YME1L1: variants seen among roughly 807,000 people sequenced by gnomAD.
The protein encoded by YME1L1 is YME1 like 1 ATPase.
In YME1L1, 39 loss-of-function variants were observed where a neutral mutation model predicts 90.4. That is an observed-to-expected ratio of 0.43 (90% confidence interval 0.33 to 0.56). The LOEUF is 0.56. Among genes scored for constraint, YME1L1 ranks in the 20% least tolerant of loss-of-function variants. The probability of loss-of-function intolerance (pLI) is 0.03; values close to 1 mark genes in which losing one functional copy is unlikely to be tolerated. For missense variants in YME1L1, 617 were observed against 868.4 expected, an observed-to-expected ratio of 0.71 and a Z score of 3.64; for synonymous variants, 284 against 287.3, an observed-to-expected ratio of 0.99 and a Z score of 0.12.
chr10:27,130,887 T>C (rs1165701227), intron 8 of YME1L1, among the ~76,000 whole-genome samples: 1 of 152,150 alleles, frequency 6.6e-6, no homozygotes, highest in Non-Finnish European at 1.5e-5. Flanking sequence ...TAAATGTCAA[T>C]TCTATCCTTC....
Position 27,120,437 on chromosome 10 carries a change from T to C in YME1L1, c.1409A>G (p.Gln470Arg). The C allele has an allele frequency of 6.2e-7, 1 of 1,606,866 alleles. No individual in the cohort carries two copies. Among genetic ancestry groups the C allele is most frequent in the South Asian group, 1.1e-5 (1 of 90,772 alleles). The change falls in exon 13 of 19, where the codon CAA becomes CGA. Residue 470 changes from glutamine to arginine, a missense_variant and splice_region_variant. This residue lies in a region of YME1L1 where 212 missense variants were observed against 330.0 expected (regional missense o/e 0.64). Transcript: ENST00000376016. ...CAAATGTTTGTTTTGATACTTACAT[T>C]GATCAAACTTTATTTTATTGAGATA... ...KWYLNKIKFD[Q>R]SVDPEIIARG... is the part of the protein sequence containing the mutation.
intron 3 of YME1L1, among the ~76,000 whole-genome samples, chr10:27,142,865 G>A (rs897052830): frequency 1.3e-4 from 20 of 151,946 alleles, no homozygotes; most frequent in African/African-American, 2.4e-4. Context: ...ACAGGCGCCC[G>A]CCACCATGCC....
intron 18 of YME1L1, among the ~76,000 whole-genome samples, chr10:27,114,285 G>A (rs1161267831): frequency 6.6e-6 from 1 of 152,096 alleles, no homozygotes; most frequent in South Asian, 2.1e-4. Flanking sequence ...TTCTTAGCCC[G>A]TGTCCAGGTT....
chr10:27,136,699 CTTTATTTA>C (rs149072823), intron 4 of YME1L1, among the ~76,000 whole-genome samples: 1,831 of 145,498 alleles, frequency 0.013, 38 homozygotes, highest in South Asian at 0.039. Context: ...TCAAAAGGAA[CTTTATTTA>C]TTTATTTATT....
intron 8 of YME1L1, 95 bp from the exon 9 acceptor site, chr10:27,126,881 G>A (rs1212325157): frequency 1.4e-5 from 10 of 732,942 alleles, no homozygotes; most frequent in Non-Finnish European, 2.0e-5. Flanking sequence ...ATTTAATTTG[G>A]ATATGGAATT....
Position 27,147,499 on chromosome 10 carries a change from G to C in YME1L1, c.168+1407C>G, listed in dbSNP as rs753432173. 7.4e-5 allele frequency: 119 copies of C among 1,612,958 alleles called. No individual in the cohort carries two copies. The highest frequency in any genetic ancestry group is 9.8e-5 in the Non-Finnish European group (116 of 1,180,034). On this transcript the variant is annotated intron_variant, in intron 2 of 18. Transcript: ENST00000376016. The stretch of plus-strand genomic sequence containing the variant: ...CATTTGGAGAAACCCGCAGTGTACA[G>C]GGATTGAGAGGGAGAAGGGTTCTGG...
chr10:27,130,084 C>T (rs1359140286), intron 8 of YME1L1, among the ~76,000 whole-genome samples: 1 of 152,342 alleles, frequency 6.6e-6, no homozygotes, highest in East Asian at 1.9e-4. Context: ...TGGAATTTAA[C>T]CCCTGCTACT....
chr10:27,129,026 C>A (rs2056949194), intron 8 of YME1L1, among the ~76,000 whole-genome samples: 1 of 132,250 alleles, frequency 7.6e-6, no homozygotes, highest in South Asian at 2.5e-4. Context: ...GTCAAAGCTG[C>A]AGTGAGCCAT....
intron 1 of YME1L1, among the ~76,000 whole-genome samples, chr10:27,151,260 C>T (rs1433641846): frequency 1.3e-5 from 2 of 152,190 alleles, no homozygotes; most frequent in African/African-American, 2.4e-5. Context: ...ACAACCCTCT[C>T]TTGGGGTCTG....
At chr10:27,148,762 A>G in intron 2 of YME1L1, 144 bp downstream of exon 2, 1 of 893,490 alleles carries the variant, frequency 1.1e-6, no homozygotes, top group Non-Finnish European at 1.7e-6. Context: ...ATAGTAGGGT[A>G]TTAGTAGTTA....
intron 8 of YME1L1, among the ~76,000 whole-genome samples, chr10:27,128,467 G>A (rs1447505126): frequency 6.6e-6 from 1 of 152,046 alleles, no homozygotes; most frequent in Non-Finnish European, 1.5e-5. Context: ...AGGCGTGGTG[G>A]CTCATGCCTG....
rs1004839771 is a variant in YME1L1, at chr10:27,123,036, A to G, written c.1103-63T>C. The G allele has an allele frequency of 1.9e-6, 3 of 1,556,400 alleles. No individual in the cohort carries two copies. In the African/African-American group the frequency reaches 4.2e-5, roughly 22 times the overall value. On this transcript the variant is annotated intron_variant, in intron 10 of 18. Transcript: ENST00000376016. ...AGTCAACACTTTTGAACAAAACGAG[A>G]TAAATATTAAAATCCTATACAACTG... is the stretch of plus-strand genomic sequence containing the variant.
intron 1 of YME1L1, among the ~76,000 whole-genome samples, chr10:27,149,999 C>T (rs556176980): frequency 2.0e-5 from 3 of 151,794 alleles, no homozygotes; most frequent in Non-Finnish European, 4.4e-5. Context: ...TCACTCGAAC[C>T]TGGGAGGCGG....
intron 1 of YME1L1, among the ~76,000 whole-genome samples, chr10:27,151,828 C>A (rs1365336805): frequency 6.6e-6 from 1 of 150,416 alleles, no homozygotes; most frequent in African/African-American, 2.5e-5. Flanking sequence ...TTGCAGTGAG[C>A]GGAGATCGCG....
At chr10:27,116,376 A>T in intron 15 of YME1L1, 31 bp from the exon 16 acceptor site, 1 of 1,610,802 alleles carries the variant, frequency 6.2e-7, no homozygotes, top group East Asian at 2.2e-5. Context: ...CAGATAAAAA[A>T]TAAGCAAAGA....
chr10:27,148,541 C>G (rs2135904342), intron 2 of YME1L1, among the ~76,000 whole-genome samples: 1 of 152,274 alleles, frequency 6.6e-6, no homozygotes, highest in South Asian at 2.1e-4. Flanking sequence ...CCTCCTCTTC[C>G]TCCTCAGCCC....
At chr10:27,152,316 AT>A (rs1383712858) in intron 1 of YME1L1, among the ~76,000 whole-genome samples, 1 of 152,188 alleles carries the variant, frequency 6.6e-6, no homozygotes, top group Non-Finnish European at 1.5e-5. Flanking sequence ...GAAAAAGTTC[AT>A]TTTCTGTGTC....
chr10:27,122,873 C>T lies in YME1L1; in HGVS notation c.1203G>A (p.Gln401=), dbSNP rs1342709908. Residue 401 remains glutamine, a synonymous_variant, in exon 11 of 19, where the codon CAG becomes CAA. Coordinates refer to ENST00000376016, the MANE Select transcript of YME1L1 (RefSeq NM_014263.4). ...IESPMHPYSR[Q]TINQLLAEMD... Reference sequence around the variant, plus strand: ...TTTCAGCAAGAAGTTGATTTATGGTCTGCCTTGAATATGGATGCATTGGAG... The same window carrying T: ...TTTCAGCAAGAAGTTGATTTATGGTTTGCCTTGAATATGGATGCATTGGAG... 1.2e-6 allele frequency: 2 copies of T among 1,613,272 alleles called. No homozygotes were observed. Among genetic ancestry groups the T allele is most frequent in the African/African-American group, 2.7e-5 (2 of 74,890 alleles).
chr10:27,144,169 T>C (rs546880679), intron 3 of YME1L1, among the ~76,000 whole-genome samples: 2 of 152,198 alleles, frequency 1.3e-5, no homozygotes, highest in Non-Finnish European at 2.9e-5. Flanking sequence ...AATGTAAATA[T>C]GCAGACTAGA....
Sources: gnomAD v4.1 joint callset for allele counts (sites outside exome capture counted in the v4.1 genomes callset) on GRCh38, gnomAD v4.1.1 for gene constraint, gnomAD v4.1.1 regional missense constraint, MANE v1.5 for transcripts, NCBI Gene and HGNC (gene_info 2026-07-23, HGNC 2026-07-21) for gene names.